WASHC2C: variants seen among roughly 807,000 people sequenced by gnomAD.
WASHC2C encodes Vaccinia Penetration Factor.
Under a neutral mutation model 142.2 loss-of-function variants are expected in WASHC2C, and 73 were observed. The ratio of observed to expected loss-of-function variants is 0.51; its 90% CI spans 0.43 to 0.62. WASHC2C has a LOEUF of 0.62. WASHC2C is among the 20% of genes least tolerant of loss of function. The pLI is 0.00. For synonymous variants in WASHC2C, 337 were observed against 565.5 expected (o/e 0.60, Z 5.73); for missense variants, 969 against 1,531.7 (o/e 0.63, Z 6.13).
chr10:45,728,569 T>C (rs1408492233), intron 2 of WASHC2C, among the ~76,000 whole-genome samples: 13 of 151,486 alleles, frequency 8.6e-5, no homozygotes, highest in Admixed American at 7.9e-4. Context: ...AAACCCCGTC[T>C]CTACTAAAAA....
intron 23 of WASHC2C, among the ~76,000 whole-genome samples, chr10:45,782,479 G>A (rs1368342767): frequency 1.3e-5 from 2 of 150,088 alleles, no homozygotes; most frequent in African/African-American, 4.9e-5. Flanking sequence ...TGGTAAGGAT[G>A]TGGATAAATG....
In WASHC2C at chr10:45,784,267, TATATATATATATATATATATATACAC is replaced by T. The variant is rs1211245066; in HGVS notation, c.2479-278_2479-253del. On this transcript the variant is annotated intron_variant, in intron 23 of 30. Coordinates refer to ENST00000623400, the MANE Select transcript of WASHC2C (RefSeq NM_001330074.2). Reference sequence around the variant, plus strand: ...GTGTGTGTGTGTATATATATATATATATATATATATATATATATATATACACATATATATATATATATATACACACA... The same window carrying T: ...GTGTGTGTGTGTATATATATATATATATATATATATATATATATACACACA... Among the ~76,000 whole-genome samples the T allele has an allele frequency of 5.8e-3, 33 of 5,650 alleles. 1 individual carries two copies. Among genetic ancestry groups the T allele is most frequent in the South Asian group, 0.019 (1 of 54 alleles). 3.7% of individuals were successfully genotyped at this position (5,650 alleles called of 152,430 possible).
intron 16 of WASHC2C, 146 bp downstream of exon 16, chr10:45,757,285 C>G (rs1447167238): frequency 1.6e-6 from 1 of 614,474 alleles, no homozygotes; most frequent in African/African-American, 1.9e-5. Context: ...GCAGTGAACA[C>G]CCAAATAACT....
chr10:45,752,657 G>A lies in WASHC2C; in HGVS notation c.1073G>A (p.Gly358Asp), dbSNP rs1374647363. The part of the protein sequence containing the change: ...DEDFSPFGSG[G>D]GLFSGGKGLF... ...GACTTCTCGCCATTTGGCTCTGGAG[G>A]TGGCCTGTTCAGTGGCGGCAAGGGG... Residue 358 changes from glycine (G) to aspartate (D), a missense_variant, in exon 12 of 31, where the codon GGT becomes GAT. Gly to Asp is a moderately conservative substitution (Grantham distance 94, BLOSUM62 -1). Coordinates refer to ENST00000623400, the MANE Select transcript of WASHC2C (RefSeq NM_001330074.2). 6.2e-7 allele frequency: 1 copy of A among 1,609,786 alleles called. No individual in the cohort carries two copies. The highest frequency in any genetic ancestry group is 1.7e-5 in the Admixed American group (1 of 59,930).
Position 45,784,838 on chromosome 10 carries a change from T to C in WASHC2C, c.2625T>C (p.Val875=), listed in dbSNP as rs782684115. 1.6e-5 allele frequency: 26 copies of C among 1,607,172 alleles called. No individual in the cohort carries two copies. The highest frequency in any genetic ancestry group is 2.2e-5 in the Non-Finnish European group (26 of 1,176,802). The change falls in exon 25 of 31, where the codon GTT becomes GTC. Residue 875 remains valine, a synonymous_variant. Transcript: ENST00000623400. ...TKKTKLLEPS[V]GSLFGDDEDD... The stretch of plus-strand genomic sequence containing the variant: ...TATTCTAGCTGTTAGAGCCAAGTGT[T>C]GGGAGCCTGTTTGGGGATGATGAAG...
intron 3 of WASHC2C, among the ~76,000 whole-genome samples, chr10:45,734,499 ATCT>A (rs2050983472): frequency 6.6e-6 from 1 of 151,500 alleles, no homozygotes; most frequent in Non-Finnish European, 1.5e-5. Flanking sequence ...TTATTTAATA[ATCT>A]TCTAATATTA....
rs1433267145 is a variant in WASHC2C, at chr10:45,749,302, G to C, written c.733-794G>C. ...ATATAAAAATTAGCCGGGCGTGGTGGCGGGTGCCTGTAATCCTAGCTACTC... is the reference window on the plus strand; with the variant it reads ...ATATAAAAATTAGCCGGGCGTGGTGCCGGGTGCCTGTAATCCTAGCTACTC... On this transcript the variant is annotated intron_variant, in intron 8 of 30. Transcript: ENST00000623400. Among the ~76,000 whole-genome samples the C allele has an allele frequency of 1.1e-3, 160 of 151,356 alleles. 1 individual carries two copies. Among genetic ancestry groups the C allele is most frequent in the African/African-American group, 3.4e-3 (141 of 41,148 alleles).
intron 18 of WASHC2C, among the ~76,000 whole-genome samples, chr10:45,765,378 C>T (rs1554881784): frequency 6.6e-6 from 1 of 150,922 alleles, no homozygotes; most frequent in Non-Finnish European, 1.5e-5. Flanking sequence ...GGCACTTGCC[C>T]ACAGGGTGAC....
Position 45,744,864 on chromosome 10 carries a change from G to C in WASHC2C, c.666G>C (p.Glu222Asp), listed in dbSNP as rs1420387400. 1 of 600,960 alleles carries C rather than the reference G, an allele frequency of 1.7e-6. No homozygotes were observed. Among genetic ancestry groups the C allele is most frequent in the South Asian group, 2.1e-5 (1 of 47,212 alleles). The allele number at this position is 600,960 out of a possible 1,614,324, so 37.2% of individuals were successfully genotyped here. Residue 222 changes from glutamate to aspartate, a missense_variant, in exon 7 of 31, where the codon GAG becomes GAC. Physicochemically the swap from Glu to Asp is conservative, Grantham distance 45 (BLOSUM62 2). Transcript: ENST00000623400. ...GSDRGSIVDT[E>D]EEKEEEESDE... ...ATCGTGGCAGTATTGTGGACACTGA[G>C]GAAGAGAAAGAAGAGGAGGTAAGGG...
At chr10:45,784,254 AT>A (rs2057763677) in intron 23 of WASHC2C, among the ~76,000 whole-genome samples, 2 of 67,418 alleles carry the variant, frequency 3.0e-5, no homozygotes, top group African/African-American at 6.7e-5. Flanking sequence ...GTGTGTGTGT[AT>A]ATATATATAT....
intron 11 of WASHC2C, among the ~76,000 whole-genome samples, chr10:45,752,366 A>G (rs1349658506): frequency 1.3e-5 from 2 of 152,304 alleles, no homozygotes; most frequent in East Asian, 3.8e-4. Context: ...TGTGCCACAG[A>G]CGTGGACAGA....
At chr10:45,784,278 A>G (rs1419552015) in intron 23 of WASHC2C, among the ~76,000 whole-genome samples, 1 of 6,910 alleles carries the variant, frequency 1.4e-4, no homozygotes, top group Non-Finnish European at 4.2e-4. Context: ...ATATATATAT[A>G]TATATATATA....
chr10:45,741,314 A>G (rs1406489310), intron 5 of WASHC2C, among the ~76,000 whole-genome samples: 37 of 152,224 alleles, frequency 2.4e-4, no homozygotes, highest in African/African-American at 7.2e-4. Context: ...GCTGAGTCAC[A>G]CCAAATTGAG....
At chr10:45,769,330 G>C in intron 19 of WASHC2C, 119 bp from the exon 20 acceptor site, 1 of 1,440,528 alleles carries the variant, frequency 6.9e-7, no homozygotes, top group South Asian at 1.3e-5. Flanking sequence ...GTGTTAGCAA[G>C]GATGGTCTTG....
chr10:45,784,378 C>T (rs1554889141), intron 23 of WASHC2C, among the ~76,000 whole-genome samples, 187 bp from the exon 24 acceptor site: 1 of 139,190 alleles, frequency 7.2e-6, no homozygotes, highest in Non-Finnish European at 1.5e-5. Context: ...TTTTTGGAAG[C>T]GCCATAGCAT....
Position 45,743,418 on chromosome 10 carries a change from A to T in WASHC2C, c.557A>T (p.Tyr186Phe). The T allele has an allele frequency of 6.2e-7, 1 of 1,611,926 alleles. No homozygotes were observed. Among genetic ancestry groups the T allele is most frequent in the Non-Finnish European group, 8.5e-7 (1 of 1,179,830 alleles). ...CTATACATTGATCGTCCTTTACCAT[A>T]TCTCATTGGGTCAAAGCTGTTCATG... ...KDLYIDRPLPYLIGSKLFMEQ... is the reference protein window; with the variant it reads ...KDLYIDRPLPFLIGSKLFMEQ... Residue 186 changes from tyrosine to phenylalanine, a missense_variant, in exon 6 of 31, where the codon TAT becomes TTT. By Grantham distance (22) the Tyr-to-Phe change is conservative. Coordinates refer to ENST00000623400, the MANE Select transcript of WASHC2C (RefSeq NM_001330074.2).
In WASHC2C at chr10:45,792,379, G is replaced by A; in HGVS notation, c.4005G>A (p.Leu1335=). The A allele has an allele frequency of 6.4e-7, 1 of 1,565,070 alleles. No homozygotes were observed. Among genetic ancestry groups the A allele is most frequent in the Non-Finnish European group, 8.7e-7 (1 of 1,146,660 alleles). The change falls in exon 31 of 31, where the codon CTG becomes CTA. Residue 1335 remains leucine, a synonymous_variant. Coordinates refer to ENST00000623400, the MANE Select transcript of WASHC2C (RefSeq NM_001330074.2). ...TGTCCAACATCTTTGATGATCCCCTGAATGCCTTTGGAGGCCAGTAGAGCA... is the reference window on the plus strand; with the variant it reads ...TGTCCAACATCTTTGATGATCCCCTAAATGCCTTTGGAGGCCAGTAGAGCA... ...HKVSNIFDDP[L]NAFGGQ is the part of the protein sequence containing the mutation.
intron 3 of WASHC2C, among the ~76,000 whole-genome samples, chr10:45,732,043 G>C (rs548589602): frequency 6.6e-6 from 1 of 151,772 alleles, no homozygotes; most frequent in Non-Finnish European, 1.5e-5. Context: ...TGATCCACCC[G>C]CCTTGGCCTC....
In WASHC2C at chr10:45,784,279, TATATATATATACAC is replaced by T. The variant is rs1238829040; in HGVS notation, c.2479-274_2479-261del. On this transcript the variant is annotated intron_variant, in intron 23 of 30. Coordinates refer to ENST00000623400, the MANE Select transcript of WASHC2C (RefSeq NM_001330074.2). Reference sequence around the variant, plus strand: ...ATATATATATATATATATATATATATATATATATATACACATATATATATATATATATACACACA... The same window carrying T: ...ATATATATATATATATATATATATATATATATATATATATATATACACACA... Among the ~76,000 whole-genome samples the T allele has an allele frequency of 8.2e-3, 62 of 7,532 alleles. 1 individual carries two copies. The highest frequency in any genetic ancestry group is 0.02 in the Non-Finnish European group (49 of 2,460). 4.9% of individuals were successfully genotyped at this position (7,532 alleles called of 152,430 possible). A position where few individuals can be genotyped will look rare whatever the true frequency, so the allele number is the denominator to read the frequency against.
Sources: allele counts gnomAD v4.1 joint callset (sites outside exome capture counted in the v4.1 genomes callset), GRCh38; gene constraint gnomAD v4.1.1; transcripts MANE v1.5; gene names NCBI Gene and HGNC (gene_info 2026-07-23, HGNC 2026-07-21).